NDUFS4: variants seen among roughly 807,000 people sequenced by gnomAD.
NDUFS4 encodes NADH dehydrogenase [ubiquinone] iron-sulfur protein 4, mitochondrial.
In NDUFS4, 28 loss-of-function variants were observed where a neutral mutation model predicts 24.3. The observed-to-expected ratio is 1.15, with a 90% CI of 0.85 to 1.58. The LOEUF (loss-of-function observed/expected upper bound fraction) is 1.58, where lower values mean the gene tolerates loss of function less well. NDUFS4 is among the 40% of genes most tolerant of loss of function. The pLI is 0.00. For missense variants in NDUFS4, 223 were observed against 207.9 expected (o/e 1.07, Z -0.45); for synonymous variants, 93 against 69.7 (o/e 1.34, Z -1.67).
chr5:53,582,417 G>C (rs1273248815), intron 1 of NDUFS4, among the ~76,000 whole-genome samples: 1 of 152,024 alleles, frequency 6.6e-6, no homozygotes, highest in African/African-American at 2.4e-5. Flanking sequence ...TCACATTGCA[G>C]GGCACACTCA....
At chr5:53,642,729 A>G (rs1751739087) in intron 2 of NDUFS4, among the ~76,000 whole-genome samples, 1 of 152,194 alleles carries the variant, frequency 6.6e-6, no homozygotes, top group Non-Finnish European at 1.5e-5. Context: ...AATAAAGTTC[A>G]TATACATATA....
intron 3 of NDUFS4, among the ~76,000 whole-genome samples, chr5:53,657,517 C>T (rs1752199373): frequency 6.6e-6 from 1 of 152,124 alleles, no homozygotes; most frequent in Non-Finnish European, 1.5e-5. Context: ...TTTGAATCCT[C>T]CTTTCTATAT....
At chr5:53,635,888 A>G (rs1039864390) in intron 2 of NDUFS4, among the ~76,000 whole-genome samples, 7 of 130,158 alleles carry the variant, frequency 5.4e-5, no homozygotes, top group Non-Finnish European at 9.6e-5. Flanking sequence ...GCATTTCATC[A>G]TAAAATAGTT....
intron 4 of NDUFS4, 194 bp downstream of exon 4, chr5:53,658,818 G>A (rs1454009847): frequency 7.3e-6 from 4 of 548,592 alleles, no homozygotes; most frequent in Non-Finnish European, 1.3e-5. Flanking sequence ...AAATTGGAAT[G>A]CTCATACAAC....
chr5:53,582,591 A>C (rs1749608063), intron 1 of NDUFS4, among the ~76,000 whole-genome samples: 1 of 152,226 alleles, frequency 6.6e-6, no homozygotes, highest in Non-Finnish European at 1.5e-5. Context: ...GCCGGGAATT[A>C]ATTTCGTTTT....
chr5:53,586,705 A>T (rs1382761962), intron 1 of NDUFS4, among the ~76,000 whole-genome samples: 1 of 151,384 alleles, frequency 6.6e-6, no homozygotes, highest in Non-Finnish European at 1.5e-5. Flanking sequence ...TGTATTTTTT[A>T]GTAGAGACGG....
chr5:53,606,820 G>T (rs1335089596), intron 2 of NDUFS4, among the ~76,000 whole-genome samples: 1 of 152,052 alleles, frequency 6.6e-6, no homozygotes, highest in Non-Finnish European at 1.5e-5. Flanking sequence ...AGTTGGGCAG[G>T]GACAAATATG....
chr5:53,567,122 TACAG>T (rs1749054214), intron 1 of NDUFS4, among the ~76,000 whole-genome samples: 1 of 152,186 alleles, frequency 6.6e-6, no homozygotes. Flanking sequence ...GTGCTGGAAT[TACAG>T]GCGTGAGCCA....
chr5:53,562,664 A>G (rs1200517656), intron 1 of NDUFS4, among the ~76,000 whole-genome samples: 1 of 152,112 alleles, frequency 6.6e-6, no homozygotes, highest in Non-Finnish European at 1.5e-5. Context: ...AGAGCTTGTC[A>G]TGTTCATCCT....
At chr5:53,671,528 G>C (rs556832634) in intron 4 of NDUFS4, among the ~76,000 whole-genome samples, 52 of 152,248 alleles carry the variant, frequency 3.4e-4, no homozygotes, top group African/African-American at 1.2e-3. Context: ...CTATTCCAAA[G>C]GAACTCTTTA....
At chr5:53,637,884 G>A (rs1035745120) in intron 2 of NDUFS4, among the ~76,000 whole-genome samples, 2 of 152,080 alleles carry the variant, frequency 1.3e-5, no homozygotes, top group African/African-American at 4.8e-5. Flanking sequence ...TAATCCCCTT[G>A]AAGATGAGGC....
intron 4 of NDUFS4, among the ~76,000 whole-genome samples, chr5:53,672,394 A>C (rs1740303706): frequency 6.6e-6 from 1 of 152,182 alleles, no homozygotes; most frequent in Non-Finnish European, 1.5e-5. Flanking sequence ...AAATAAAAAA[A>C]CGTAGTGAAT....
intron 2 of NDUFS4, among the ~76,000 whole-genome samples, chr5:53,614,190 T>C (rs1750778785): frequency 6.6e-6 from 1 of 151,890 alleles, no homozygotes; most frequent in South Asian, 2.1e-4. Flanking sequence ...AACAAGTCAG[T>C]TATTATTTTT....
chr5:53,600,681 A>G (rs1750284049), intron 1 of NDUFS4, among the ~76,000 whole-genome samples: 1 of 152,204 alleles, frequency 6.6e-6, no homozygotes, highest in African/African-American at 2.4e-5. Context: ...AACTGTCCAG[A>G]ATTGGAGAAA....
chr5:53,606,765 C>T (rs551118436), intron 2 of NDUFS4, among the ~76,000 whole-genome samples: 4 of 152,362 alleles, frequency 2.6e-5, no homozygotes, highest in African/African-American at 9.6e-5. Context: ...AATCACCTCA[C>T]ATCCGTCCCC....
chr5:53,619,816 A>T (rs959316453), intron 2 of NDUFS4, among the ~76,000 whole-genome samples: 2 of 152,318 alleles, frequency 1.3e-5, no homozygotes, highest in South Asian at 2.1e-4. Flanking sequence ...GCATAATTAT[A>T]AACGAATGTA....
At chr5:53,581,232 A>G (rs996634825) in intron 1 of NDUFS4, among the ~76,000 whole-genome samples, 2 of 152,208 alleles carry the variant, frequency 1.3e-5, no homozygotes, top group African/African-American at 4.8e-5. Flanking sequence ...CTTAGGCTTC[A>G]TATCAGCTAG....
chr5:53,682,000 A>G lies in NDUFS4; in HGVS notation c.425-1118A>G, dbSNP rs150985983. On this transcript the variant is annotated intron_variant, in intron 4 of 4. Transcript: ENST00000296684. ...GAGGCTCACTTAATTAGACTATATA[A>G]TAAATAATCACATTTGGGACATTTT... 6.6e-4 allele frequency among the ~76,000 whole-genome samples: 100 copies of G among 152,154 alleles called. 1 individual carries two copies. The highest frequency in any genetic ancestry group is 2.2e-3 in the African/African-American group (91 of 41,514).
rs571012453 is a variant in NDUFS4, at chr5:53,577,148, G to A, written c.98+16388G>A. 2.6e-5 allele frequency among the ~76,000 whole-genome samples: 4 copies of A among 152,232 alleles called. No homozygotes were observed. The South Asian group carries it at 8.3e-4, about 32-fold the overall frequency. On this transcript the variant is annotated intron_variant, in intron 1 of 4. Transcript: ENST00000296684. ...AGGGAACAAAAAAGTATGATGTTGC[G>A]ATTGTTGCTGTGAGCAGTAGAGAAA... is the stretch of plus-strand genomic sequence containing the variant.
Sources: gnomAD v4.1 joint callset for allele counts (sites outside exome capture counted in the v4.1 genomes callset) on GRCh38, gnomAD v4.1.1 for gene constraint, MANE v1.5 for transcripts, NCBI Gene and HGNC (gene_info 2026-07-23, HGNC 2026-07-21) for gene names.